The following CFAP54 variants were observed in gnomAD, a reference collection of about 807,000 sequenced individuals.
CFAP54 encodes cilia- and flagella-associated protein 54.
A neutral mutation model predicts 370.4 loss-of-function variants in CFAP54; 290 were observed. That is an observed-to-expected ratio of 0.78 (90% CI 0.71 to 0.86). CFAP54 has a LOEUF of 0.86. CFAP54 is among the 40% of genes least tolerant of loss of function. CFAP54 has a pLI of 0.00. For synonymous variants in CFAP54, 1,206 were observed against 1,236.5 expected (o/e 0.98, Z 0.52); for missense variants, 3,399 against 3,528.7 (o/e 0.96, Z 0.93).
At chr12:96,729,634 G>T (rs11108657) in intron 50 of CFAP54, among the ~76,000 whole-genome samples, 23 of 152,202 alleles carry the variant, frequency 1.5e-4, no homozygotes, top group Admixed American at 1.5e-3. Flanking sequence ...GACCCCTTGC[G>T]CTTCCCGAGT....
chr12:96,533,698 G>C, intron 9 of CFAP54, 94 bp from the exon 10 acceptor site: 1 of 926,464 alleles, frequency 1.1e-6, no homozygotes, highest in Non-Finnish European at 1.5e-6. Context: ...AGCAGGGATT[G>C]TGTTTTCCTG....
Position 96,500,835 on chromosome 12 carries a change from G to A in CFAP54, c.319G>A (p.Ala107Thr), listed in dbSNP as rs777236008. 310 of 1,517,520 alleles carry A rather than the reference G, an allele frequency of 2.0e-4. No homozygotes were observed. The highest frequency in any genetic ancestry group is 2.6e-4 in the Non-Finnish European group (292 of 1,136,142). 94.0% of individuals were successfully genotyped at this position (1,517,520 alleles called of 1,614,324 possible). A position where few individuals can be genotyped will look rare whatever the true frequency, so the allele number is the denominator to read the frequency against. Residue 107 changes from alanine (A) to threonine (T), a missense_variant and splice_region_variant, in exon 2 of 68, where the codon GCC becomes ACC. Ala to Thr is a moderately conservative substitution (Grantham distance 58, BLOSUM62 0). Around this residue, in one of 3 missense-constraint regions of CFAP54, gnomAD observed 559 missense variants for 576.7 expected, o/e 0.97. Coordinates refer to ENST00000524981, the MANE Select transcript of CFAP54 (RefSeq NM_001306084.2). ...EEKHEFRRRC[A>T]TSLFNIWTKY... is the part of the protein sequence containing the mutation. Reference sequence around the variant, plus strand: ...CGTTTTATTTTATGATTTTTACAGTGCCACTTCTTTGTTTAATATCTGGAC... The same window carrying A: ...CGTTTTATTTTATGATTTTTACAGTACCACTTCTTTGTTTAATATCTGGAC...
At chr12:96,674,633 A>C (rs1316651216) in intron 39 of CFAP54, among the ~76,000 whole-genome samples, 2 of 152,208 alleles carry the variant, frequency 1.3e-5, no homozygotes, top group Non-Finnish European at 2.9e-5. Context: ...AGTGAAATAT[A>C]GTTTAGGAAG....
At chr12:96,669,890 A>G (rs78834822) in intron 39 of CFAP54, among the ~76,000 whole-genome samples, 17,245 of 152,202 alleles carry the variant, frequency 0.11, 1,287 homozygotes, top group Middle Eastern at 0.22. Flanking sequence ...GGAGAGTTAC[A>G]TGGAGCATAA....
intron 22 of CFAP54, among the ~76,000 whole-genome samples, chr12:96,584,451 G>A (rs1319377116): frequency 2.0e-5 from 3 of 152,206 alleles, no homozygotes; most frequent in African/African-American, 2.4e-5. Flanking sequence ...GTGACAGAGC[G>A]AGACCCTGTC....
At chr12:96,535,861 A>T (rs1010494) in intron 12 of CFAP54, among the ~76,000 whole-genome samples, 63,427 of 151,864 alleles carry the variant, frequency 0.42, 13,751 homozygotes, top group South Asian at 0.46. Context: ...AGTGGTTTTT[A>T]GGAAGAGTTA....
intron 60 of CFAP54, among the ~76,000 whole-genome samples, chr12:96,779,282 C>T (rs556378520): frequency 9.2e-5 from 14 of 152,184 alleles, no homozygotes; most frequent in Admixed American, 2.0e-4. Context: ...TGATTTGTAA[C>T]AGATAGTTTG....
At chr12:96,590,775 A>G (rs1005259284) in intron 23 of CFAP54, among the ~76,000 whole-genome samples, 1 of 152,188 alleles carries the variant, frequency 6.6e-6, no homozygotes, top group Non-Finnish European at 1.5e-5. Context: ...GGGATATGAG[A>G]GGTAGAACAA....
intron 19 of CFAP54, chr12:96,572,861 G>T: frequency 1.0e-6 from 1 of 985,344 alleles, no homozygotes; most frequent in Non-Finnish European, 1.2e-6. Context: ...AAATGTCTAT[G>T]TTATAGCCAT....
At chr12:96,779,036 G>C (rs1345263072) in intron 60 of CFAP54, among the ~76,000 whole-genome samples, 1 of 151,192 alleles carries the variant, frequency 6.6e-6, no homozygotes, top group African/African-American at 2.4e-5. Flanking sequence ...GGACCCAGAA[G>C]GTAGAGGTTG....
intron 32 of CFAP54, among the ~76,000 whole-genome samples, chr12:96,639,874 G>C (rs1247164915): frequency 2.0e-5 from 3 of 152,064 alleles, no homozygotes; most frequent in Non-Finnish European, 4.4e-5. Context: ...TGACAAAATT[G>C]AACAACATTC....
At chr12:96,607,250 C>T (rs1303544981) in intron 26 of CFAP54, among the ~76,000 whole-genome samples, 1 of 151,914 alleles carries the variant, frequency 6.6e-6, no homozygotes, top group Non-Finnish European at 1.5e-5. Flanking sequence ...AGACTCCATA[C>T]TCCAAGGGAA....
chr12:96,555,271 T>A (rs1955739964), intron 17 of CFAP54, among the ~76,000 whole-genome samples: 1 of 151,826 alleles, frequency 6.6e-6, no homozygotes, highest in African/African-American at 2.4e-5. Context: ...CAGAGATGAG[T>A]TCCTGGCAGG....
intron 50 of CFAP54, among the ~76,000 whole-genome samples, chr12:96,727,843 C>A (rs1957862527): frequency 6.6e-6 from 1 of 151,518 alleles, no homozygotes; most frequent in Non-Finnish European, 1.5e-5. Flanking sequence ...TTTAGTGCTT[C>A]CTTCAGGAGC....
At chr12:96,745,031 A>C (rs561967641) in intron 55 of CFAP54, among the ~76,000 whole-genome samples, 3 of 152,262 alleles carry the variant, frequency 2.0e-5, no homozygotes, top group South Asian at 2.1e-4. Context: ...GTTCCTTTTT[A>C]TGGCTGCATA....
At chr12:96,865,641 A>T (rs1959981944) in intron 67 of CFAP54, among the ~76,000 whole-genome samples, 1 of 152,106 alleles carries the variant, frequency 6.6e-6, no homozygotes, top group Admixed American at 6.6e-5. Flanking sequence ...ATTAGTCTCT[A>T]CTTCTTTTGC....
chr12:96,863,978 A>G (rs1322902515), intron 67 of CFAP54, among the ~76,000 whole-genome samples: 1 of 152,176 alleles, frequency 6.6e-6, no homozygotes, highest in Non-Finnish European at 1.5e-5. Context: ...AGCAACACTC[A>G]CTGGTTAAAG....
At chr12:96,737,384 A>T (rs1592733959) in intron 50 of CFAP54, among the ~76,000 whole-genome samples, 2 of 151,878 alleles carry the variant, frequency 1.3e-5, no homozygotes, top group South Asian at 4.2e-4. Context: ...ATCTTTTTTT[A>T]AAAAAGATTG....
At chr12:96,584,426 T>A (rs1956057428) in intron 22 of CFAP54, among the ~76,000 whole-genome samples, 1 of 152,202 alleles carries the variant, frequency 6.6e-6, no homozygotes, top group South Asian at 2.1e-4. Flanking sequence ...ATTATGCCAC[T>A]GCATTTCAGC....
Sources: allele counts gnomAD v4.1 joint callset (sites outside exome capture counted in the v4.1 genomes callset), GRCh38; gene constraint gnomAD v4.1.1; regional missense constraint gnomAD v4.1.1; transcripts MANE v1.5; gene names NCBI Gene and HGNC (gene_info 2026-07-23, HGNC 2026-07-21).